Variants in NEDD9 observed in about 807,000 individuals in gnomAD.
NEDD9 encodes the protein neural precursor cell expressed, developmentally down-regulated 9.
NEDD9 carries 26 observed loss-of-function variants against 76.6 expected under a neutral mutation model. The ratio of observed to expected loss-of-function variants is 0.34; its 90% CI spans 0.25 to 0.47. The LOEUF is 0.47. Among genes scored for constraint, NEDD9 ranks in the 20% least tolerant of loss-of-function variants. The pLI is 1.00. For synonymous variants in NEDD9, 392 were observed against 414.2 expected (o/e 0.95, Z 0.65); for missense variants, 937 against 1,058.5 (o/e 0.89, Z 1.59).
chr6:11,272,924 T>C (rs910226418), intron 3 of NEDD9, among the ~76,000 whole-genome samples: 12 of 152,246 alleles, frequency 7.9e-5, no homozygotes, highest in Middle Eastern at 3.2e-3. Flanking sequence ...GATTTTCCTC[T>C]GTCTTCTTCC....
At chr6:11,293,620 A>C (rs1760825049) in intron 3 of NEDD9, among the ~76,000 whole-genome samples, 1 of 151,806 alleles carries the variant, frequency 6.6e-6, no homozygotes, top group South Asian at 2.1e-4. Context: ...ATGACCGTCT[A>C]TGTGTGTGTG....
intron 1 of NEDD9, among the ~76,000 whole-genome samples, chr6:11,380,274 T>G (rs1763039050): frequency 6.6e-6 from 1 of 152,212 alleles, no homozygotes; most frequent in African/African-American, 2.4e-5. Context: ...TAGACCCCAA[T>G]GCAGAGTTCG....
intron 3 of NEDD9, among the ~76,000 whole-genome samples, chr6:11,274,782 AC>A (rs1760384469): frequency 6.6e-6 from 1 of 152,244 alleles, no homozygotes; most frequent in African/African-American, 2.4e-5. Context: ...GTACACTAGT[AC>A]AGTCCTTATG....
chr6:11,221,517 C>G (rs141699652), intron 1 of NEDD9, among the ~76,000 whole-genome samples: 4 of 152,098 alleles, frequency 2.6e-5, no homozygotes, highest in Admixed American at 6.6e-5. Context: ...TAAGAAGGAA[C>G]CATTCTAACC....
intron 2 of NEDD9, among the ~76,000 whole-genome samples, chr6:11,321,542 A>G (rs1761803689): frequency 6.6e-6 from 1 of 152,232 alleles, no homozygotes; most frequent in South Asian, 2.1e-4. Flanking sequence ...GAGAAACTCA[A>G]GTCTGAAACT....
At chr6:11,192,175 C>T (rs1211568489) in intron 4 of NEDD9, among the ~76,000 whole-genome samples, 170 bp downstream of exon 4, 2 of 152,300 alleles carry the variant, frequency 1.3e-5, no homozygotes, top group Middle Eastern at 3.4e-3. Flanking sequence ...TAGTGCCTTT[C>T]CTTTTTTGCT....
Position 11,190,250 on chromosome 6 carries a change from T to G in NEDD9, c.1619A>C (p.Asp540Ala), listed in dbSNP as rs766101705. ...RFVMVAKTVP[D>A]DAKQLTTTIN... ...GGTTGTGGTGAGCTGCTTGGCGTCATCGGGCACCGTCTTTGCCACCATCAC... is the reference window on the plus strand; with the variant it reads ...GGTTGTGGTGAGCTGCTTGGCGTCAGCGGGCACCGTCTTTGCCACCATCAC... Residue 540 changes from aspartate to alanine, a missense_variant, in exon 5 of 7, where the codon GAT (aspartate) becomes GCT (alanine). Asp to Ala is a moderately radical substitution (Grantham distance 126, BLOSUM62 -2). Coordinates refer to ENST00000379446, the MANE Select transcript of NEDD9 (RefSeq NM_006403.4). This position sits in a 1 kb window ranked among gnomAD's most constrained non-coding sequence, Gnocchi z 5.8. 2 of 1,614,216 alleles carry G rather than the reference T, an allele frequency of 1.2e-6. No individual in the cohort carries two copies. Among genetic ancestry groups the G allele is most frequent in the Non-Finnish European group, 1.7e-6 (2 of 1,180,044 alleles).
At chr6:11,185,805 G>T in intron 6 of NEDD9, 134 bp from the exon 7 acceptor site, 1 of 1,034,564 alleles carries the variant, frequency 9.7e-7, no homozygotes, top group Non-Finnish European at 1.4e-6. Flanking sequence ...TGTAAAGCCT[G>T]GGTCAAGCTG....
At chr6:11,267,011 G>A (rs994267396) in intron 3 of NEDD9, among the ~76,000 whole-genome samples, 3 of 152,236 alleles carry the variant, frequency 2.0e-5, no homozygotes, top group Non-Finnish European at 4.4e-5. Context: ...CTGTCAGGTA[G>A]AGATTTTGCT....
chr6:11,342,300 T>C (rs1762289244), intron 1 of NEDD9, among the ~76,000 whole-genome samples: 1 of 151,780 alleles, frequency 6.6e-6, no homozygotes, highest in Non-Finnish European at 1.5e-5. Context: ...GCCAAGAGCT[T>C]CCCAAAATTT....
At chr6:11,374,409 A>G (rs1275294123) in intron 1 of NEDD9, among the ~76,000 whole-genome samples, 1 of 152,196 alleles carries the variant, frequency 6.6e-6, no homozygotes, top group African/African-American at 2.4e-5. Flanking sequence ...ATAGTGTGAC[A>G]GAAGGCACCA....
At chr6:11,320,923 A>G (rs899290663) in intron 2 of NEDD9, among the ~76,000 whole-genome samples, 11 of 151,842 alleles carry the variant, frequency 7.2e-5, no homozygotes, top group African/African-American at 1.9e-4. Context: ...GAATGTGTGT[A>G]TGGCAGGGGT....
chr6:11,339,046 T>C (rs1762222165), intron 1 of NEDD9, among the ~76,000 whole-genome samples: 2 of 152,110 alleles, frequency 1.3e-5, no homozygotes, highest in African/African-American at 4.8e-5. Context: ...TCAAAAGATA[T>C]AGACTGAAAC....
chr6:11,319,739 CACACACACACTAACATGCACACTA>C (rs1418316308), intron 2 of NEDD9, among the ~76,000 whole-genome samples: 2 of 125,822 alleles, frequency 1.6e-5, no homozygotes. Flanking sequence ...CACTAACATG[CACACACACACTAACATGCACACTA>C]ACATGCACAC....
In NEDD9 at chr6:11,252,560, T is replaced by C. The variant is rs1416725713; in HGVS notation, c.13-38833A>G. On this transcript the variant is annotated intron_variant, in intron 3 of 3. Coordinates refer to the NEDD9 transcript ENST00000397378. The surrounding 1 kb of genome is among the most constrained non-coding windows in gnomAD (Gnocchi z 4.3). ...CCCCCTTCCATGGTCAAAGAAACCC[T>C]GTAGAGAGCAGAAAGGAGCTGGTAG... Among the ~76,000 whole-genome samples, 2 of 152,162 alleles carry C rather than the reference T, an allele frequency of 1.3e-5. No individual in the cohort carries two copies. The highest frequency in any genetic ancestry group is 2.9e-5 in the Non-Finnish European group (2 of 68,020).
At chr6:11,309,512 G>A (rs1761301744) in intron 2 of NEDD9, among the ~76,000 whole-genome samples, 1 of 152,164 alleles carries the variant, frequency 6.6e-6, no homozygotes, top group Non-Finnish European at 1.5e-5. Context: ...CTCCTGAGTA[G>A]CTGGGACTAC....
chr6:11,257,981 G>A (rs897101607), intron 3 of NEDD9, among the ~76,000 whole-genome samples: 2 of 152,092 alleles, frequency 1.3e-5, no homozygotes, highest in African/African-American at 2.4e-5. Context: ...GATCATAATC[G>A]CAAATGATCA....
At chr6:11,199,462 T>A (rs1255752073) in intron 2 of NEDD9, 2 of 152,180 alleles carry the variant, frequency 1.3e-5, no homozygotes, top group African/African-American at 4.8e-5. Flanking sequence ...GTGCATAAAG[T>A]ACCTGGCATA....
In NEDD9 at chr6:11,245,661, A is replaced by C. The variant is rs1377549744; in HGVS notation, c.13-31934T>G. Among the ~76,000 whole-genome samples, 2 of 152,232 alleles carry C rather than the reference A, an allele frequency of 1.3e-5. 1 individual carries two copies. The highest frequency in any genetic ancestry group is 6.3e-3 in the Middle Eastern group (2 of 316). Reference sequence around the variant, plus strand: ...GGGAAAAAAATCACACCGTAAAGTTATGTAAGTTTCTATTTTAAAATCATC... The same window carrying C: ...GGGAAAAAAATCACACCGTAAAGTTCTGTAAGTTTCTATTTTAAAATCATC... On this transcript the variant is annotated intron_variant, in intron 3 of 3. Transcript: ENST00000397378.
Sources: gnomAD v4.1 joint callset for allele counts (sites outside exome capture counted in the v4.1 genomes callset) on GRCh38, gnomAD v4.1.1 for gene constraint, Gnocchi (gnomAD v3.1) non-coding constraint, MANE v1.5 for transcripts, NCBI Gene and HGNC (gene_info 2026-07-23, HGNC 2026-07-21) for gene names.